ABHD16A: variants seen among roughly 807,000 people sequenced by gnomAD.
The protein encoded by ABHD16A is phosphatidylserine lipase ABHD16A.
ABHD16A carries 47 observed loss-of-function variants against 89.8 expected under a neutral mutation model. The observed-to-expected ratio is 0.52, with a 90% CI of 0.41 to 0.67. The LOEUF (loss-of-function observed/expected upper bound fraction) is 0.67, where lower values mean the gene tolerates loss of function less well. Ranked by LOEUF, ABHD16A falls within the 30% of genes least tolerant of loss-of-function variation. The probability of loss-of-function intolerance (pLI) is 0.00; values close to 1 mark genes in which losing one functional copy is unlikely to be tolerated. For synonymous variants in ABHD16A, 251 were observed against 280.4 expected (o/e 0.90, Z 1.05); for missense variants, 580 against 734.6 (o/e 0.79, Z 2.43).
In ABHD16A at chr6:31,688,105, T is replaced by TG; in HGVS notation, c.1308-3dup. 6.2e-7 allele frequency: 1 copy of TG among 1,611,686 alleles called. No individual in the cohort carries two copies. Among genetic ancestry groups the TG allele is most frequent in the Non-Finnish European group, 8.5e-7 (1 of 1,178,560 alleles). On this transcript the variant is annotated splice_region_variant and splice_polypyrimidine_tract_variant and intron_variant, in intron 15 of 19. Transcript: ENST00000395952. This position sits in a 1 kb window ranked among gnomAD's most constrained non-coding sequence, Gnocchi z 4.9. Reference sequence around the variant, plus strand: ...TTGGACATGATGTCCTCAGGAACCCTGGGGGTGAGAAGAATGTACCCTGGA... The same window carrying TG: ...TTGGACATGATGTCCTCAGGAACCCTGGGGGGTGAGAAGAATGTACCCTGGA...
At chr6:31,692,846 G>C (rs1013345224) in intron 7 of ABHD16A, 181 bp downstream of exon 7, 1 of 781,060 alleles carries the variant, frequency 1.3e-6, no homozygotes, top group African/African-American at 1.8e-5. Flanking sequence ...AGACCTCTCT[G>C]AGCCTCTTTT....
In ABHD16A at chr6:31,689,019, G is replaced by A; in HGVS notation, c.1182C>T (p.Ser394=). 1.9e-6 allele frequency: 3 copies of A among 1,613,228 alleles called. No homozygotes were observed. Among genetic ancestry groups the A allele is most frequent in the Non-Finnish European group, 1.7e-6 (2 of 1,179,490 alleles). The change falls in exon 13 of 20, where the codon AGC becomes AGT. Residue 394 remains serine (S), a synonymous_variant. Coordinates refer to ENST00000395952, the MANE Select transcript of ABHD16A (RefSeq NM_021160.3). ...AGGCCTGGGAGCTGCACTCACTCCAGCTGTCTGGCATGACCTTCAAGGCCA... is the reference window on the plus strand; with the variant it reads ...AGGCCTGGGAGCTGCACTCACTCCAACTGTCTGGCATGACCTTCAAGGCCA... ...VPLALKVMPD[S]WRGLVTRTVR...
In ABHD16A at chr6:31,690,465, G is replaced by C; in HGVS notation, c.907+74C>G. ...CCCAGAGAAAGCAGAGGCCAGGGGA[G>C]GTCAGGTCAGTGTGGGAGGCAGGGA... On this transcript the variant is annotated intron_variant, in intron 10 of 19. Transcript: ENST00000395952. This position sits in a 1 kb window ranked among gnomAD's most constrained non-coding sequence, Gnocchi z 4.1. 6.6e-7 allele frequency: 1 copy of C among 1,505,360 alleles called. No homozygotes were observed. The highest frequency in any genetic ancestry group is 9.2e-7 in the Non-Finnish European group (1 of 1,082,194). 93.3% of individuals were successfully genotyped at this position (1,505,360 alleles called of 1,614,324 possible). A position where few individuals can be genotyped will look rare whatever the true frequency, so the allele number is the denominator to read the frequency against.
intron 2 of ABHD16A, 50 bp from the exon 3 acceptor site, chr6:31,701,390 CCTG>C: frequency 8.1e-7 from 1 of 1,231,834 alleles, no homozygotes; most frequent in African/African-American, 1.6e-5. Flanking sequence ...CACACACACA[CCTG>C]CCATTCCAGG....
rs1485484201 is a variant in ABHD16A, at chr6:31,691,790, C to T, written c.741+14G>A. Reference sequence around the variant, plus strand: ...GGGAGGGCTTTAGGGGATGTGCGGGCAGGGAAGCCTCACCTCTTCCACCAG... The same window carrying T: ...GGGAGGGCTTTAGGGGATGTGCGGGTAGGGAAGCCTCACCTCTTCCACCAG... On this transcript the variant is annotated intron_variant, in intron 8 of 19. Transcript: ENST00000395952. 2 of 1,602,450 alleles carry T rather than the reference C, an allele frequency of 1.2e-6. No homozygotes were observed. Among genetic ancestry groups the T allele is most frequent in the South Asian group, 2.2e-5 (2 of 89,892 alleles).
intron 2 of ABHD16A, 83 bp from the exon 3 acceptor site, chr6:31,701,423 G>A: frequency 8.5e-7 from 1 of 1,180,560 alleles, no homozygotes; most frequent in Non-Finnish European, 1.3e-6. Flanking sequence ...TACACTCTGA[G>A]CAAGATGGAC....
Position 31,693,120 on chromosome 6 carries a change from C to T in ABHD16A, c.533G>A (p.Arg178Gln), listed in dbSNP as rs1050166567. Residue 178 changes from arginine (R) to glutamine (Q), a missense_variant, in exon 7 of 20, where the codon CGG becomes CAG. Transcript: ENST00000395952. This position sits in a 1 kb window ranked among gnomAD's most constrained non-coding sequence, Gnocchi z 5.0. Reference sequence around the variant, plus strand: ...CTCTGGGCGAAGCAGGGCCACACCCCGGCGGGAAGGGCCCCCTCGAGACTC... The same window carrying T: ...CTCTGGGCGAAGCAGGGCCACACCCTGGCGGGAAGGGCCCCCTCGAGACTC... ...RKESRGGPSR[R>Q]GVALLRPEPL... is the part of the protein sequence containing the mutation. 41 of 1,613,764 alleles carry T rather than the reference C, an allele frequency of 2.5e-5. No individual in the cohort carries two copies. Among genetic ancestry groups the T allele is most frequent in the Non-Finnish European group, 2.9e-5 (34 of 1,179,882 alleles).
chr6:31,696,412 C>T (rs1169994904), intron 5 of ABHD16A, among the ~76,000 whole-genome samples: 1 of 151,180 alleles, frequency 6.6e-6, no homozygotes, highest in Non-Finnish European at 1.5e-5. Flanking sequence ...GCAGGCAGAT[C>T]GCCTGAGGTC....
chr6:31,688,817 G>A lies in ABHD16A; in HGVS notation c.1187-31C>T, dbSNP rs1436856490. ...GTGGGATAAAGGTGAAGGGATGGCA[G>A]AGACAAAGCCCTTGCCCAACATAAA... On this transcript the variant is annotated intron_variant, in intron 13 of 19. Transcript: ENST00000395952. This position sits in a 1 kb window ranked among gnomAD's most constrained non-coding sequence, Gnocchi z 4.9. 2 of 1,604,696 alleles carry A rather than the reference G, an allele frequency of 1.2e-6. No individual in the cohort carries two copies. The highest frequency in any genetic ancestry group is 1.7e-6 in the Non-Finnish European group (2 of 1,173,402).
chr6:31,689,832 G>T, intron 11 of ABHD16A, 128 bp from the exon 12 acceptor site: 1 of 1,380,418 alleles, frequency 7.2e-7, no homozygotes. Flanking sequence ...AGGGATGGTA[G>T]GAGAGGTTGT....
At chr6:31,701,449 A>C in intron 2 of ABHD16A, 109 bp from the exon 3 acceptor site, 7 of 894,238 alleles carry the variant, frequency 7.8e-6, no homozygotes, top group South Asian at 3.0e-5. Context: ...GAGGGATATC[A>C]TATCATATTT....
rs1804569423 is a variant in ABHD16A, at chr6:31,698,115, A to G, written c.344-1082T>C. ...ATGTGCAAAATAATACATACTGCTT[A>G]TAGATACCATATTTCATAGATTCTA... On this transcript the variant is annotated intron_variant, in intron 4 of 19. Coordinates refer to ENST00000395952, the MANE Select transcript of ABHD16A (RefSeq NM_021160.3). The surrounding 1 kb of genome is among the most constrained non-coding windows in gnomAD (Gnocchi z 4.1). 2.0e-5 allele frequency among the ~76,000 whole-genome samples: 3 copies of G among 152,234 alleles called. No individual in the cohort carries two copies. Among genetic ancestry groups the G allele is most frequent in the Admixed American group, 1.3e-4 (2 of 15,282 alleles).
Position 31,690,381 on chromosome 6 carries a change from G to A in ABHD16A, c.907+158C>T, listed in dbSNP as rs1357135212. 5 of 816,456 alleles carry A rather than the reference G, an allele frequency of 6.1e-6. No homozygotes were observed. The highest frequency in any genetic ancestry group is 1.6e-5 in the South Asian group (1 of 63,276). The allele number at this position is 816,456 out of a possible 1,614,324, so 50.6% of individuals were successfully genotyped here. On this transcript the variant is annotated intron_variant, in intron 10 of 19. Coordinates refer to ENST00000395952, the MANE Select transcript of ABHD16A (RefSeq NM_021160.3). The surrounding 1 kb of genome is among the most constrained non-coding windows in gnomAD (Gnocchi z 4.1). ...GACACAGGCCAGGGGAGGGATGTAAGGTTATCAAAGCAAATGGCGAGTGGA... is the reference window on the plus strand; with the variant it reads ...GACACAGGCCAGGGGAGGGATGTAAAGTTATCAAAGCAAATGGCGAGTGGA...
intron 2 of ABHD16A, 105 bp downstream of exon 2, chr6:31,701,968 AT>A (rs1460517581): frequency 7.9e-7 from 1 of 1,259,366 alleles, no homozygotes; most frequent in Non-Finnish European, 1.2e-6. Context: ...AGCCCAGGGC[AT>A]CCCCCAACCC....
intron 11 of ABHD16A, 114 bp from the exon 12 acceptor site, chr6:31,689,818 A>C (rs1477433553): frequency 6.9e-7 from 1 of 1,443,092 alleles, no homozygotes; most frequent in African/African-American, 1.4e-5. Flanking sequence ...AAGGTGTAGA[A>C]GGAAGGGATG....
rs373535293 is a variant in ABHD16A at position 31,690,668 on chromosome 6, G to A, written c.844-66C>T. 3.8e-5 allele frequency: 55 copies of A among 1,460,562 alleles called. No individual in the cohort carries two copies. The East Asian group carries it at 8.6e-4, about 23-fold the overall frequency. 90.5% of individuals were successfully genotyped at this position (1,460,562 alleles called of 1,614,324 possible). A position where few individuals can be genotyped will look rare whatever the true frequency, so the allele number is the denominator to read the frequency against. On this transcript the variant is annotated intron_variant, in intron 9 of 19. Coordinates refer to ENST00000395952, the MANE Select transcript of ABHD16A (RefSeq NM_021160.3). This position sits in a 1 kb window ranked among gnomAD's most constrained non-coding sequence, Gnocchi z 4.1. Reference sequence around the variant, plus strand: ...GGGACTGAAAAACTCCCTTTGGGCAGGGAGGGCAGCCCATGAAGAGCTTTG... The same window carrying A: ...GGGACTGAAAAACTCCCTTTGGGCAAGGAGGGCAGCCCATGAAGAGCTTTG...
chr6:31,692,323 A>G (rs1016891005), intron 7 of ABHD16A: 5 of 168,332 alleles, frequency 3.0e-5, no homozygotes, highest in African/African-American at 1.2e-4. Context: ...CAAAACCTCA[A>G]ATATGGCTTG....
In ABHD16A at chr6:31,692,942, A is replaced by G. The variant is rs763331012; in HGVS notation, c.626+85T>C. 36 of 1,582,432 alleles carry G rather than the reference A, an allele frequency of 2.3e-5. No individual in the cohort carries two copies. The African/African-American group carries it at 4.6e-4, about 20-fold the overall frequency. On this transcript the variant is annotated intron_variant, in intron 7 of 19. Transcript: ENST00000395952. ...GCACTAGGCCCAATGAGTGACAGCT[A>G]TTTTACAATGGAGCGCCCACTCCCA...
Position 31,693,514 on chromosome 6 carries a change from C to T in ABHD16A, c.430-82G>A. The T allele has an allele frequency of 7.5e-7, 1 of 1,341,524 alleles. No homozygotes were observed. The highest frequency in any genetic ancestry group is 1.1e-6 in the Non-Finnish European group (1 of 948,150). The allele number at this position is 1,341,524 out of a possible 1,614,324, so 83.1% of individuals were successfully genotyped here. A position where few individuals can be genotyped will look rare whatever the true frequency, so the allele number is the denominator to read the frequency against. ...CCACCCTCAACAACACCTTCGTTAT[C>T]CAGGGGTCTGATCCCCACACATCAT... On this transcript the variant is annotated intron_variant, in intron 5 of 19. Transcript: ENST00000395952. This position sits in a 1 kb window ranked among gnomAD's most constrained non-coding sequence, Gnocchi z 5.0.
Sources: allele counts gnomAD v4.1 joint callset (sites outside exome capture counted in the v4.1 genomes callset), GRCh38; gene constraint gnomAD v4.1.1; non-coding constraint Gnocchi (gnomAD v3.1); transcripts MANE v1.5; gene names NCBI Gene and HGNC (gene_info 2026-07-23, HGNC 2026-07-21).